COL24A1: variants seen among roughly 807,000 people sequenced by gnomAD.
COL24A1 encodes collagen alpha-1(XXIV) chain.
COL24A1 carries 224 observed loss-of-function variants against 253.9 expected under a neutral mutation model. The ratio of observed to expected loss-of-function variants is 0.88; its 90% CI spans 0.79 to 0.99. COL24A1 has a LOEUF of 0.99. Ranked by LOEUF, COL24A1 falls within the 50% of genes least tolerant of loss-of-function variation. COL24A1 has a pLI of 0.00. For missense variants in COL24A1, 2,131 were observed against 2,068.5 expected, an observed-to-expected ratio of 1.03 and a Z score of -0.59; for synonymous variants, 685 against 673.7, an observed-to-expected ratio of 1.02 and a Z score of -0.26.
At chr1:86,094,841 T>TAA (rs1216504261) in intron 5 of COL24A1, among the ~76,000 whole-genome samples, 1 of 151,996 alleles carries the variant, frequency 6.6e-6, no homozygotes, top group Non-Finnish European at 1.5e-5. Flanking sequence ...TAATTAGAGC[T>TAA]TATCTAGTAA....
chr1:85,940,690 A>T (rs538035745), intron 24 of COL24A1, among the ~76,000 whole-genome samples: 10 of 152,336 alleles, frequency 6.6e-5, no homozygotes, highest in Admixed American at 3.9e-4. Context: ...GTATCCAAAT[A>T]GGGATTTCAG....
chr1:85,908,294 T>A (rs1432376400), intron 27 of COL24A1, among the ~76,000 whole-genome samples: 1 of 151,780 alleles, frequency 6.6e-6, no homozygotes, highest in Non-Finnish European at 1.5e-5. Flanking sequence ...AATTTATTTA[T>A]CCAATTGGTC....
chr1:86,078,095 A>T (rs1309988566), intron 7 of COL24A1, among the ~76,000 whole-genome samples: 1 of 152,120 alleles, frequency 6.6e-6, no homozygotes, highest in Non-Finnish European at 1.5e-5. Context: ...TAAAAAGATG[A>T]CTCATTATGA....
intron 24 of COL24A1, among the ~76,000 whole-genome samples, chr1:85,916,644 G>A (rs1685926599): frequency 1.3e-5 from 2 of 152,182 alleles, no homozygotes; most frequent in Admixed American, 1.3e-4. Flanking sequence ...CTGAGTGACA[G>A]AGCAAGACCC....
At chr1:85,941,065 G>A (rs947722540) in intron 24 of COL24A1, among the ~76,000 whole-genome samples, 11 of 152,110 alleles carry the variant, frequency 7.2e-5, no homozygotes, top group African/African-American at 2.7e-4. Flanking sequence ...AGAAATAAGA[G>A]GAATTCTCTT....
intron 45 of COL24A1, among the ~76,000 whole-genome samples, chr1:85,822,465 C>T (rs17128383): frequency 0.021 from 3,212 of 152,238 alleles, 122 homozygotes; most frequent in African/African-American, 0.073. Flanking sequence ...ATTGAAGGTG[C>T]AAATGACAAA....
At chr1:85,965,448 T>C (rs2100714310) in intron 22 of COL24A1, among the ~76,000 whole-genome samples, 1 of 152,118 alleles carries the variant, frequency 6.6e-6, no homozygotes, top group East Asian at 1.9e-4. Context: ...TTGAAAGTGT[T>C]TGTAAGATTC....
At chr1:86,061,533 C>T (rs1278692609) in intron 8 of COL24A1, among the ~76,000 whole-genome samples, 1 of 152,008 alleles carries the variant, frequency 6.6e-6, no homozygotes, top group Non-Finnish European at 1.5e-5. Context: ...GTTAAAGCAA[C>T]ATGTAGAGAT....
chr1:85,790,534 G>C (rs991794093), intron 47 of COL24A1, among the ~76,000 whole-genome samples: 23 of 149,908 alleles, frequency 1.5e-4, no homozygotes, highest in African/African-American at 5.6e-4. Flanking sequence ...AAGGGATTTT[G>C]TGTCTTGGTA....
intron 5 of COL24A1, among the ~76,000 whole-genome samples, chr1:86,107,522 T>G (rs1383084167): frequency 6.7e-6 from 1 of 148,736 alleles, no homozygotes; most frequent in Non-Finnish European, 1.5e-5. Flanking sequence ...TATTTATTTA[T>G]TTATTTATTT....
Position 85,784,383 on chromosome 1 carries a change from G to C in COL24A1, c.4060-17C>G, listed in dbSNP as rs374013833. 3.8e-6 allele frequency: 6 copies of C among 1,574,196 alleles called. No individual in the cohort carries two copies. The highest frequency in any genetic ancestry group is 4.4e-6 in the Non-Finnish European group (5 of 1,144,240). On this transcript the variant is annotated splice_polypyrimidine_tract_variant and intron_variant, in intron 48 of 59. Transcript: ENST00000370571. ...TTGTTCACCCTATGGGTAGAACAAA[G>C]AAAAGCGATCTTTACATCAGAACAT...
rs1274428544 is a variant in COL24A1 at position 85,772,925 on chromosome 1, C to T, written c.4374+2749G>A. ...TTTGTTGTCATTGCTTTTGGTGTTT[C>T]AGAGATGAAGTCTTTGCCCATGCCT... On this transcript the variant is annotated intron_variant, in intron 53 of 59. Coordinates refer to ENST00000370571, the MANE Select transcript of COL24A1 (RefSeq NM_152890.7). Among the ~76,000 whole-genome samples, 3 of 152,086 alleles carry T rather than the reference C, an allele frequency of 2.0e-5. No homozygotes were observed. The East Asian group carries it at 5.8e-4, about 29-fold the overall frequency.
chr1:85,795,807 A>AT (rs1192463493), intron 47 of COL24A1, among the ~76,000 whole-genome samples: 12 of 151,848 alleles, frequency 7.9e-5, no homozygotes, highest in South Asian at 2.1e-4. Flanking sequence ...TGTAAGTACT[A>AT]TTTTTTTTCT....
chr1:85,795,644 A>C (rs763669197), intron 47 of COL24A1, among the ~76,000 whole-genome samples: 1 of 152,112 alleles, frequency 6.6e-6, no homozygotes, highest in Non-Finnish European at 1.5e-5. Context: ...TTTCTAAAAA[A>C]AGTTTTTTCC....
rs1024589993 is a variant in COL24A1, at chr1:85,930,497, C to G, written c.2563-19064G>C. 1.0e-4 allele frequency among the ~76,000 whole-genome samples: 5 copies of G among 48,230 alleles called. 1 individual carries two copies. Among genetic ancestry groups the G allele is most frequent in the African/African-American group, 3.6e-4 (4 of 11,042 alleles). 31.6% of individuals were successfully genotyped at this position (48,230 alleles called of 152,430 possible). ...CAGATGGATTCACAGCCGAATTCTACCAGAGGTACAAGGAGGAACTGGTAC... is the reference window on the plus strand; with the variant it reads ...CAGATGGATTCACAGCCGAATTCTAGCAGAGGTACAAGGAGGAACTGGTAC... On this transcript the variant is annotated intron_variant, in intron 24 of 59. Coordinates refer to ENST00000370571, the MANE Select transcript of COL24A1 (RefSeq NM_152890.7).
rs993336101 is a variant in COL24A1, at chr1:85,730,405, G to A, written c.*141C>T. 21 of 815,324 alleles carry A rather than the reference G, an allele frequency of 2.6e-5. No individual in the cohort carries two copies. Among genetic ancestry groups the A allele is most frequent in the Non-Finnish European group, 1.8e-6 (1 of 545,688 alleles). The allele number at this position is 815,324 out of a possible 1,614,324, so 50.5% of individuals were successfully genotyped here. A position where few individuals can be genotyped will look rare whatever the true frequency, so the allele number is the denominator to read the frequency against. On this transcript the variant is annotated 3_prime_UTR_variant, in exon 60 of 60. Transcript: ENST00000370571. ...TGCCTTTTCTCCTTCTTAGGAGGAA[G>A]TCTGTTCTTCCTGAGATTCTTTAAG...
At chr1:85,817,832 G>A (rs779696570) in intron 46 of COL24A1, among the ~76,000 whole-genome samples, 2 of 152,008 alleles carry the variant, frequency 1.3e-5, no homozygotes, top group Non-Finnish European at 2.9e-5. Context: ...CAACTGCAGG[G>A]ACTTATATTT....
At chr1:85,743,268 A>G (rs1024767192) in intron 57 of COL24A1, among the ~76,000 whole-genome samples, 3 of 152,038 alleles carry the variant, frequency 2.0e-5, no homozygotes, top group Admixed American at 6.5e-5. Flanking sequence ...TCTTCCATTC[A>G]TACTGGCTTT....
At chr1:86,130,628 C>CT (rs1467461168) in intron 2 of COL24A1, among the ~76,000 whole-genome samples, 1 of 151,808 alleles carries the variant, frequency 6.6e-6, no homozygotes, top group Non-Finnish European at 1.5e-5. Context: ...TAATATTAGT[C>CT]TATAGGAGTA....
Sources: allele counts gnomAD v4.1 joint callset (sites outside exome capture counted in the v4.1 genomes callset), GRCh38; gene constraint gnomAD v4.1.1; transcripts MANE v1.5; gene names NCBI Gene and HGNC (gene_info 2026-07-23, HGNC 2026-07-21).